Variants in CAST observed in about 807,000 individuals in gnomAD.
The protein encoded by CAST is MIR583 host.
CAST carries 76 observed loss-of-function variants against 119.6 expected under a neutral mutation model. The observed-to-expected ratio is 0.64, with a 90% confidence interval of 0.53 to 0.77. The LOEUF (loss-of-function observed/expected upper bound fraction) is 0.77. CAST is among the 30% of genes least tolerant of loss of function. The pLI, the probability that CAST is intolerant of heterozygous loss-of-function variation, is 0.00. For missense variants in CAST, 953 were observed against 946.5 expected (o/e 1.01, Z -0.09); for synonymous variants, 319 against 331.6 (o/e 0.96, Z 0.41).
the CAST span, among the ~76,000 whole-genome samples, chr5:96,375,438 T>A: frequency 1.3e-5 from 2 of 150,664 alleles, no homozygotes; most frequent in Non-Finnish European, 3.0e-5. Flanking sequence ...GTGTGTGTGT[T>A]TTTTTTACTA....
At position 96,638,475 on chromosome 5, in the gene CAST, C is replaced by T. The variant is rs73136659; in HGVS notation, c.61-37064C>T. ...GCAATGGCATTACTAGGCCCTTCAT[C>T]CAAATTGCTTCTCTTCCATAGGAAA... On this transcript the variant is annotated intron_variant, in intron 1 of 11. Transcript: ENST00000505143. 3.0e-4 allele frequency among the ~76,000 whole-genome samples: 45 copies of T among 152,262 alleles called. 2 individuals carry two copies. The South Asian group carries it at 9.1e-3, about 31-fold the overall frequency.
the CAST span, among the ~76,000 whole-genome samples, chr5:96,421,524 A>G: frequency 6.6e-6 from 1 of 152,222 alleles, no homozygotes; most frequent in South Asian, 2.1e-4. Context: ...GACTAACATA[A>G]AGCATGTTGC....
chr5:96,629,699 C>A (rs1158523029), intron 1 of CAST, among the ~76,000 whole-genome samples: 1 of 152,204 alleles, frequency 6.6e-6, no homozygotes, highest in Non-Finnish European at 1.5e-5. Flanking sequence ...TTAACCCTCC[C>A]TATCAGCATC....
At chr5:96,310,859 C>CA in the CAST span, among the ~76,000 whole-genome samples, 3,232 of 132,608 alleles carry the variant, frequency 0.024, 76 homozygotes, top group African/African-American at 0.069. Flanking sequence ...TATGTCTTCT[C>CA]AAAAAAAAAA....
At chr5:96,299,282 CAACAACAACAAA>C in the CAST span, among the ~76,000 whole-genome samples, 4,799 of 86,472 alleles carry the variant, frequency 0.055, 296 homozygotes, top group African/African-American at 0.14. Flanking sequence ...ACAACAACAA[CAACAACAACAAA>C]CAAACAAAAA....
chr5:96,648,607 G>T (rs1288907704), intron 1 of CAST, among the ~76,000 whole-genome samples: 3 of 152,094 alleles, frequency 2.0e-5, no homozygotes, highest in African/African-American at 7.2e-5. Context: ...TGAAGGAAAA[G>T]TTTTTTCAGT....
chr5:96,064,979 A>G, the CAST span, among the ~76,000 whole-genome samples: 5 of 152,106 alleles, frequency 3.3e-5, no homozygotes, highest in South Asian at 8.3e-4. Flanking sequence ...CTGACTTCAC[A>G]TGTTGGTAAT....
intron 13 of CAST, 60 bp from the exon 14 acceptor site, chr5:96,741,206 A>T (rs1391002847): frequency 1.1e-6 from 1 of 898,734 alleles, no homozygotes; most frequent in Non-Finnish European, 1.8e-6. Context: ...TAGGTTTATG[A>T]TCCATTCTTC....
At chr5:96,647,794 C>T (rs954704573) in intron 1 of CAST, among the ~76,000 whole-genome samples, 2 of 152,098 alleles carry the variant, frequency 1.3e-5, no homozygotes, top group African/African-American at 2.4e-5. Context: ...CATGGCCCTG[C>T]GTGCACCTTG....
At chr5:96,487,942 C>G in the CAST span, among the ~76,000 whole-genome samples, 171 of 152,264 alleles carry the variant, frequency 1.1e-3, 1 homozygote, top group Middle Eastern at 6.8e-3. Flanking sequence ...AGATTTTTCT[C>G]CAGCATTCCA....
At chr5:96,382,417 A>G in the CAST span, among the ~76,000 whole-genome samples, 1 of 152,220 alleles carries the variant, frequency 6.6e-6, no homozygotes, top group Non-Finnish European at 1.5e-5. Flanking sequence ...TGGGCTCAGC[A>G]TCTTGACTAC....
At chr5:96,357,636 T>C in the CAST span, among the ~76,000 whole-genome samples, 1 of 152,188 alleles carries the variant, frequency 6.6e-6, no homozygotes, top group Non-Finnish European at 1.5e-5. Context: ...ATTACATGTA[T>C]TGATTTGCGT....
intron 16 of CAST, among the ~76,000 whole-genome samples, chr5:96,745,654 T>G (rs1014800342): frequency 1.3e-5 from 2 of 152,240 alleles, no homozygotes; most frequent in Non-Finnish European, 2.9e-5. Context: ...ATTGCAAGTG[T>G]TGTGTCCTAG....
the CAST span, among the ~76,000 whole-genome samples, chr5:96,395,368 A>C: frequency 5.3e-5 from 8 of 152,372 alleles, no homozygotes; most frequent in South Asian, 1.7e-3. Context: ...CTGGGAAAAA[A>C]GTCAGCCTCT....
the CAST span, among the ~76,000 whole-genome samples, chr5:96,097,670 T>G: frequency 6.6e-6 from 1 of 152,234 alleles, no homozygotes; most frequent in Non-Finnish European, 1.5e-5. Context: ...CTCATTCTTT[T>G]TTATGGCTGC....
intron 20 of CAST, among the ~76,000 whole-genome samples, chr5:96,753,016 CAG>C (rs1360526218): frequency 1.4e-5 from 2 of 147,532 alleles, no homozygotes; most frequent in African/African-American, 2.5e-5. Context: ...TTTTTTGAGG[CAG>C]AGTCTCGTTC....
chr5:96,229,334 T>C, the CAST span, among the ~76,000 whole-genome samples: 1 of 151,662 alleles, frequency 6.6e-6, no homozygotes, highest in East Asian at 1.9e-4. Flanking sequence ...AAATGACCTT[T>C]CACGCTTCAG....
chr5:96,382,489 A>G, the CAST span, among the ~76,000 whole-genome samples: 1 of 152,200 alleles, frequency 6.6e-6, no homozygotes, highest in Non-Finnish European at 1.5e-5. Flanking sequence ...ATTCATTGGC[A>G]CTTTCATCTG....
intron 6 of CAST, chr5:96,728,593 C>G (rs1759760213): frequency 6.6e-6 from 1 of 152,330 alleles, no homozygotes; most frequent in Admixed American, 6.5e-5. Flanking sequence ...TCTCCTTCCT[C>G]CGCCTCCCGA....
Sources: allele counts gnomAD v4.1 joint callset (sites outside exome capture counted in the v4.1 genomes callset), GRCh38; gene constraint gnomAD v4.1.1; transcripts MANE v1.5; gene names NCBI Gene and HGNC (gene_info 2026-07-23, HGNC 2026-07-21).